The following OXR1 variants were observed in gnomAD, a reference collection of about 807,000 sequenced individuals.
OXR1 encodes the protein oxidation resistance 1, also known as oxidation resistance protein 1.
In OXR1, 41 loss-of-function variants were observed where a neutral mutation model predicts 104.6. That is an observed-to-expected ratio of 0.39 (90% CI 0.31 to 0.51). The LOEUF is 0.51. Among genes scored for constraint, OXR1 ranks in the 20% least tolerant of loss-of-function variants. OXR1 has a pLI of 0.77. For synonymous variants in OXR1, 348 were observed against 348.4 expected (o/e 1.00, Z 0.01); for missense variants, 955 against 1,031.9 (o/e 0.93, Z 1.02).
intron 2 of OXR1, among the ~76,000 whole-genome samples, chr8:106,481,718 G>A (rs934035255): frequency 8.6e-5 from 13 of 151,990 alleles, no homozygotes; most frequent in Non-Finnish European, 1.8e-4. Context: ...ATTTTAACCT[G>A]TTTTACTTTG....
chr8:106,316,932 G>A (rs1030463709), intron 1 of OXR1, among the ~76,000 whole-genome samples: 12 of 152,080 alleles, frequency 7.9e-5, no homozygotes, highest in South Asian at 4.2e-4. Context: ...GTGCAGTGAC[G>A]CAATCTCGGC....
chr8:106,641,499 T>C (rs1334845029), intron 3 of OXR1, among the ~76,000 whole-genome samples: 1 of 152,172 alleles, frequency 6.6e-6, no homozygotes, highest in African/African-American at 2.4e-5. Flanking sequence ...AAATAAGGCT[T>C]TTTACAAACA....
At chr8:106,392,153 A>G (rs572250015) in intron 2 of OXR1, among the ~76,000 whole-genome samples, 4 of 152,278 alleles carry the variant, frequency 2.6e-5, no homozygotes, top group South Asian at 4.1e-4. Flanking sequence ...AAATAACCCA[A>G]TGGATGTTCA....
At chr8:106,582,487 T>C (rs1045557311) in intron 3 of OXR1, among the ~76,000 whole-genome samples, 16 of 152,072 alleles carry the variant, frequency 1.1e-4, no homozygotes, top group African/African-American at 3.6e-4. Context: ...TTGTAGAGCT[T>C]ACAATTATTT....
chr8:106,727,197 GT>G (rs141630481), intron 11 of OXR1, among the ~76,000 whole-genome samples: 3,766 of 147,618 alleles, frequency 0.026, 93 homozygotes, highest in South Asian at 0.044. Flanking sequence ...TAACACCGTT[GT>G]TTTTTTTTTA....
At chr8:106,467,229 A>C (rs2130666319) in intron 2 of OXR1, among the ~76,000 whole-genome samples, 1 of 152,046 alleles carries the variant, frequency 6.6e-6, no homozygotes, top group Admixed American at 6.6e-5. Flanking sequence ...TGTCTAGTTT[A>C]GCAAACAACA....
In OXR1 at chr8:106,400,291, C is replaced by A. The variant is rs12545461; in HGVS notation, c.23+40655C>A. ...GCAACATCCTTAAGTCAGGAGTATT[C>A]TTTATATCACCACCAAGCAGTGCAT... is the stretch of plus-strand genomic sequence containing the variant. On this transcript the variant is annotated intron_variant, in intron 2 of 16. Coordinates refer to ENST00000517566, the MANE Select transcript of OXR1 (RefSeq NM_001198533.2). 1.5e-3 allele frequency among the ~76,000 whole-genome samples: 233 copies of A among 152,192 alleles called. 7 individuals are homozygous for A. The highest frequency in any genetic ancestry group is 0.014 in the Admixed American group (218 of 15,274).
At chr8:106,409,003 A>T (rs2130500701) in intron 2 of OXR1, among the ~76,000 whole-genome samples, 1 of 152,184 alleles carries the variant, frequency 6.6e-6, no homozygotes, top group Non-Finnish European at 1.5e-5. Flanking sequence ...TTTAAGAAAA[A>T]TTCCCCCATA....
At chr8:106,706,337 C>A in intron 8 of OXR1, 45 bp from the exon 9 acceptor site, 1 of 1,400,082 alleles carries the variant, frequency 7.1e-7, no homozygotes, top group Admixed American at 2.5e-5. Context: ...AGTAAAATAC[C>A]ACAATTTTAA....
chr8:106,586,191 G>A (rs888042192), intron 3 of OXR1, among the ~76,000 whole-genome samples: 7 of 152,174 alleles, frequency 4.6e-5, no homozygotes, highest in African/African-American at 1.4e-4. Flanking sequence ...TGAGAAACAT[G>A]GTAGTTGAGA....
chr8:106,525,934 A>C (rs1813629508), intron 3 of OXR1, among the ~76,000 whole-genome samples: 1 of 152,232 alleles, frequency 6.6e-6, no homozygotes, highest in African/African-American at 2.4e-5. Flanking sequence ...TTTCAGATAA[A>C]TGAATTAAAT....
chr8:106,318,116 C>G (rs1230286316), intron 1 of OXR1, among the ~76,000 whole-genome samples: 1 of 151,996 alleles, frequency 6.6e-6, no homozygotes, highest in Non-Finnish European at 1.5e-5. Flanking sequence ...GTAGGCATCT[C>G]AAGCAGAATT....
intron 2 of OXR1, among the ~76,000 whole-genome samples, chr8:106,452,539 T>C (rs145959558): frequency 1.3e-5 from 2 of 152,332 alleles, no homozygotes; most frequent in Non-Finnish European, 2.9e-5. Context: ...GGATACCTTT[T>C]CTTTCTGTTA....
intron 1 of OXR1, among the ~76,000 whole-genome samples, chr8:106,353,264 G>A (rs897672139): frequency 1.7e-4 from 26 of 152,020 alleles, no homozygotes; most frequent in Non-Finnish European, 5.9e-5. Flanking sequence ...CAGGTGAATC[G>A]CTTGAACCCA....
chr8:106,633,385 T>C (rs1274753827), intron 3 of OXR1, among the ~76,000 whole-genome samples: 1 of 152,220 alleles, frequency 6.6e-6, no homozygotes, highest in Admixed American at 6.5e-5. Flanking sequence ...CAAAAGTTAT[T>C]GATTTTCAAA....
At chr8:106,515,719 T>C (rs1812814976) in intron 2 of OXR1, among the ~76,000 whole-genome samples, 2 of 152,294 alleles carry the variant, frequency 1.3e-5, no homozygotes, top group East Asian at 3.9e-4. Context: ...AGTACTTCTG[T>C]AGCTTTTAGC....
chr8:106,648,832 A>G (rs1824299729), intron 3 of OXR1, among the ~76,000 whole-genome samples: 1 of 152,350 alleles, frequency 6.6e-6, no homozygotes, highest in South Asian at 2.1e-4. Flanking sequence ...CGGAAACTGT[A>G]AAAAGAATGA....
chr8:106,434,563 GA>G lies in OXR1; in HGVS notation c.23+74935del, dbSNP rs545187286. Among the ~76,000 whole-genome samples, 215 of 151,920 alleles carry G rather than the reference GA, an allele frequency of 1.4e-3. 7 individuals carry two copies. The highest frequency in any genetic ancestry group is 0.013 in the Admixed American group (200 of 15,246). Reference sequence around the variant, plus strand: ...CTATGAATGTCACTAAAACAGATAAGAAAAAAAATTACTTTTCCAGGGGTGA... The same window carrying G: ...CTATGAATGTCACTAAAACAGATAAGAAAAAAATTACTTTTCCAGGGGTGA... On this transcript the variant is annotated intron_variant, in intron 2 of 16. Coordinates refer to ENST00000517566, the MANE Select transcript of OXR1 (RefSeq NM_001198533.2).
At chr8:106,674,080 C>T (rs1032813756) in intron 3 of OXR1, among the ~76,000 whole-genome samples, 2 of 152,196 alleles carry the variant, frequency 1.3e-5, no homozygotes, top group Non-Finnish European at 2.9e-5. Context: ...AGAGGCCTAC[C>T]TTCCTCCAGA....
Sources: allele counts gnomAD v4.1 joint callset (sites outside exome capture counted in the v4.1 genomes callset), GRCh38; gene constraint gnomAD v4.1.1; transcripts MANE v1.5; gene names NCBI Gene and HGNC (gene_info 2026-07-23, HGNC 2026-07-21).